Variants in RAB12 observed in about 807,000 individuals in gnomAD.
RAB12 encodes the protein RAB12, member RAS oncogene family, also known as ras-related protein Rab-12.
In RAB12, 11 loss-of-function variants were observed where a neutral mutation model predicts 28.4. That is an observed-to-expected ratio of 0.39 (90% confidence interval 0.24 to 0.64). RAB12 has a LOEUF of 0.64. Ranked by LOEUF, RAB12 falls within the 30% of genes least tolerant of loss-of-function variation. RAB12 has a pLI of 0.50. For missense variants in RAB12, 276 were observed against 351.1 expected (o/e 0.79, Z 1.71); for synonymous variants, 138 against 145.3 (o/e 0.95, Z 0.36).
intron 2 of RAB12, among the ~76,000 whole-genome samples, chr18:8,627,881 G>A (rs12454972): frequency 0.12 from 18,259 of 152,126 alleles, 1,309 homozygotes; most frequent in Admixed American, 0.17. Flanking sequence ...ATATTGGCGT[G>A]TGCCCTGAAA....
intron 1 of RAB12, among the ~76,000 whole-genome samples, chr18:8,618,379 T>C (rs1177034183): frequency 6.6e-6 from 1 of 152,158 alleles, no homozygotes; most frequent in African/African-American, 2.4e-5. Context: ...GATCAAAATA[T>C]TTTATAGTTA....
At chr18:8,635,725 C>A in intron 4 of RAB12, 103 bp downstream of exon 4, 1 of 708,100 alleles carries the variant, frequency 1.4e-6, no homozygotes, top group Middle Eastern at 3.7e-4. Flanking sequence ...AAGAAATTAT[C>A]AATACAGTGA....
chr18:8,624,574 T>C (rs958040071), intron 1 of RAB12, among the ~76,000 whole-genome samples: 3 of 152,226 alleles, frequency 2.0e-5, no homozygotes, highest in African/African-American at 7.2e-5. Context: ...ATAAGAATTT[T>C]CCCTGAGAAA....
chr18:8,621,229 CTT>C (rs2096009718), intron 1 of RAB12, among the ~76,000 whole-genome samples: 1 of 152,168 alleles, frequency 6.6e-6, no homozygotes, highest in Non-Finnish European at 1.5e-5. Context: ...TTATTCATGA[CTT>C]TTTTCCTTTT....
intron 2 of RAB12, among the ~76,000 whole-genome samples, chr18:8,629,174 G>A: frequency 6.6e-6 from 1 of 152,164 alleles, no homozygotes; most frequent in East Asian, 1.9e-4. Flanking sequence ...AACTTGGGAG[G>A]ATGGTAAACC....
intron 1 of RAB12, among the ~76,000 whole-genome samples, chr18:8,611,975 G>A (rs1291643613): frequency 6.6e-6 from 1 of 152,172 alleles, no homozygotes; most frequent in Non-Finnish European, 1.5e-5. Flanking sequence ...GCTGCAGAGC[G>A]GGAAGACACT....
Position 8,622,695 on chromosome 18 carries a change from G to A in RAB12, c.515-2243G>A, listed in dbSNP as rs549205450. Among the ~76,000 whole-genome samples the A allele has an allele frequency of 9.5e-4, 143 of 151,152 alleles. 3 individuals carry two copies. In the South Asian group the frequency reaches 0.017, roughly 18 times the overall value. On this transcript the variant is annotated intron_variant, in intron 1 of 5. Coordinates refer to ENST00000649141, the MANE Select transcript of RAB12 (RefSeq NM_001025300.3). ...AGGAGACAGGGTTTTGAGAGCAACC[G>A]GTCTGACCCAAATTTATTAGGTGGG...
At chr18:8,611,529 GC>G (rs1024874634) in intron 1 of RAB12, among the ~76,000 whole-genome samples, 1 of 152,152 alleles carries the variant, frequency 6.6e-6, no homozygotes, top group East Asian at 1.9e-4. Flanking sequence ...CAGTGGAGCA[GC>G]CCCCCACCTC....
At chr18:8,621,763 C>T (rs1367561177) in intron 1 of RAB12, among the ~76,000 whole-genome samples, 1 of 152,118 alleles carries the variant, frequency 6.6e-6, no homozygotes, top group Non-Finnish European at 1.5e-5. Flanking sequence ...CAGTCCTCTC[C>T]TTCCTCCTAC....
intron 2 of RAB12, among the ~76,000 whole-genome samples, chr18:8,631,888 T>G (rs900657802): frequency 6.6e-6 from 1 of 152,152 alleles, no homozygotes; most frequent in Non-Finnish European, 1.5e-5. Flanking sequence ...TGGAAAGATA[T>G]TTCATTTGAA....
intron 3 of RAB12, 150 bp downstream of exon 3, chr18:8,633,477 T>A (rs2096017104): frequency 2.3e-6 from 2 of 870,978 alleles, no homozygotes; most frequent in Non-Finnish European, 3.6e-6. Context: ...GATAGGGATG[T>A]AGTCCTGTAT....
chr18:8,627,814 A>G (rs549268518), intron 2 of RAB12, among the ~76,000 whole-genome samples: 2 of 152,300 alleles, frequency 1.3e-5, no homozygotes, highest in Non-Finnish European at 2.9e-5. Context: ...CAGCGTTCTT[A>G]GGTCAGCATC....
At chr18:8,636,868 G>A (rs16953908) in intron 5 of RAB12, among the ~76,000 whole-genome samples, 1,564 of 152,240 alleles carry the variant, frequency 0.01, 26 homozygotes, top group African/African-American at 0.036. Flanking sequence ...AGTTTCTTCA[G>A]GCATCTTTAG....
At chr18:8,632,246 C>T (rs932104761) in intron 2 of RAB12, among the ~76,000 whole-genome samples, 6 of 142,952 alleles carry the variant, frequency 4.2e-5, no homozygotes, top group Non-Finnish European at 9.0e-5. Flanking sequence ...TCACTGATTG[C>T]ATTCCAGCCT....
chr18:8,613,341 C>G (rs2096004905), intron 1 of RAB12, among the ~76,000 whole-genome samples: 1 of 152,214 alleles, frequency 6.6e-6, no homozygotes, highest in South Asian at 2.1e-4. Flanking sequence ...AAATTTACAA[C>G]TAACATGCCT....
chr18:8,615,952 A>G lies in RAB12; in HGVS notation c.514+5999A>G, dbSNP rs1221083169. Among the ~76,000 whole-genome samples, 3 of 152,348 alleles carry G rather than the reference A, an allele frequency of 2.0e-5. No individual in the cohort carries two copies. The East Asian group carries it at 5.8e-4, about 29-fold the overall frequency. Reference sequence around the variant, plus strand: ...TCTGCCAGAAGCCATCTGTTAATGGATCTTGGAACTGGCTGTAGAAGGCAG... The same window carrying G: ...TCTGCCAGAAGCCATCTGTTAATGGGTCTTGGAACTGGCTGTAGAAGGCAG... On this transcript the variant is annotated intron_variant, in intron 1 of 5. Transcript: ENST00000649141.
chr18:8,617,929 A>G (rs1399592720), intron 1 of RAB12, among the ~76,000 whole-genome samples: 2 of 152,234 alleles, frequency 1.3e-5, no homozygotes, highest in African/African-American at 2.4e-5. Context: ...TAATGTAGAT[A>G]AGGCCCTTAG....
chr18:8,636,385 G>A (rs747334959), intron 5 of RAB12, 28 bp downstream of exon 5: 4 of 1,336,346 alleles, frequency 3.0e-6, no homozygotes, highest in Admixed American at 2.0e-5. Context: ...CATTATAAAA[G>A]TATATCATCT....
In RAB12 at chr18:8,638,481, G is replaced by GTCTA. The variant is rs1473374839; in HGVS notation, c.*220_*223dup. ...ATTATATTTCATTCATTACCCCAGT[G>GTCTA]TCTAGTGTACATACACTGGGAAACC... On this transcript the variant is annotated 3_prime_UTR_variant, in exon 6 of 6. Transcript: ENST00000649141. The GTCTA allele has an allele frequency of 2.0e-6, 1 of 508,704 alleles. No homozygotes were observed. Among genetic ancestry groups the GTCTA allele is most frequent in the Non-Finnish European group, 3.6e-6 (1 of 281,054 alleles). The allele number at this position is 508,704 out of a possible 1,614,324, so 31.5% of individuals were successfully genotyped here.
Sources: allele counts gnomAD v4.1 joint callset (sites outside exome capture counted in the v4.1 genomes callset), GRCh38; gene constraint gnomAD v4.1.1; transcripts MANE v1.5; gene names NCBI Gene and HGNC (gene_info 2026-07-23, HGNC 2026-07-21).